The following TTC7A variants were observed in gnomAD, a reference collection of about 807,000 sequenced individuals.
The protein encoded by TTC7A is tetratricopeptide repeat domain 7A, also known as tetratricopeptide repeat protein 7A.
A neutral mutation model predicts 103.7 loss-of-function variants in TTC7A; 110 were observed. That is an observed-to-expected ratio of 1.06 (90% CI 0.91 to 1.24). The LOEUF (loss-of-function observed/expected upper bound fraction) is 1.24. Among genes scored for constraint, TTC7A ranks in the 50% most tolerant of loss-of-function variants. The pLI is 0.00. For synonymous variants in TTC7A, 521 were observed against 467.9 expected, an observed-to-expected ratio of 1.11 and a Z score of -1.47; for missense variants, 1,340 against 1,116.3, an observed-to-expected ratio of 1.20 and a Z score of -2.86.
At position 46,941,762 on chromosome 2, in the gene TTC7A, C is replaced by G; in HGVS notation, c.184+37C>G. ...AAGAGGCTGGCTCGCCGGCAGCGAG[C>G]GCGCGAAACGCACCGCCTCCTCCAG... is the stretch of plus-strand genomic sequence containing the variant. On this transcript the variant is annotated intron_variant, in intron 1 of 19. Coordinates refer to ENST00000319190, the MANE Select transcript of TTC7A (RefSeq NM_020458.4). This position sits in a 1 kb window ranked among gnomAD's most constrained non-coding sequence, Gnocchi z 4.2. 6.5e-7 allele frequency: 1 copy of G among 1,546,358 alleles called. No individual in the cohort carries two copies. The highest frequency in any genetic ancestry group is 8.7e-7 in the Non-Finnish European group (1 of 1,145,296).
chr2:46,980,144 G>C (rs1674291619), intron 5 of TTC7A, among the ~76,000 whole-genome samples: 1 of 150,486 alleles, frequency 6.6e-6, no homozygotes, highest in Middle Eastern at 3.5e-3. Context: ...TTGAATACAT[G>C]ATTGTTGCAT....
rs573987427 is a variant in TTC7A at position 46,921,726 on chromosome 2, A to G, written c.82+4449A>G. On this transcript the variant is annotated intron_variant, in intron 2 of 20. Coordinates refer to the TTC7A transcript ENST00000409245. ...CATGGAAGTGGTTGGGGGAGGGACA[A>G]TGGTTTCAAAATGAAACTGTTCTAC... 1.4e-4 allele frequency among the ~76,000 whole-genome samples: 22 copies of G among 152,338 alleles called. No individual in the cohort carries two copies. In the South Asian group the frequency reaches 1.7e-3, roughly 11 times the overall value.
At chr2:46,925,171 G>A (rs1307616438) in intron 2 of TTC7A, among the ~76,000 whole-genome samples, 2 of 152,154 alleles carry the variant, frequency 1.3e-5, no homozygotes, top group African/African-American at 4.8e-5. Flanking sequence ...CCCCAGGCTA[G>A]ATTTGAACTT....
Position 47,073,863 on chromosome 2 carries a change from C to G in TTC7A, c.2517C>G (p.Ala839=), listed in dbSNP as rs751895973. 1 of 1,613,706 alleles carries G rather than the reference C, an allele frequency of 6.2e-7. No individual in the cohort carries two copies. The highest frequency in any genetic ancestry group is 8.5e-7 in the Non-Finnish European group (1 of 1,180,026). The change falls in exon 20 of 20, where the codon GCC becomes GCG. Residue 839 remains alanine, a synonymous_variant. Coordinates refer to ENST00000319190, the MANE Select transcript of TTC7A (RefSeq NM_020458.4). ...CTGCCGTTGACTGCTTCCTCACCGC[C>G]CTTGAGCTGGAGGCCAGCAGCCCTG... is the stretch of plus-strand genomic sequence containing the variant. ...NEAAVDCFLT[A]LELEASSPVL... is the part of the protein sequence containing the mutation.
In TTC7A at chr2:47,051,745, G is replaced by A; in HGVS notation, c.2018-1G>A. On this transcript the variant is annotated splice_acceptor_variant, in intron 17 of 19. Coordinates refer to ENST00000319190, the MANE Select transcript of TTC7A (RefSeq NM_020458.4). LOFTEE classifies it high-confidence loss of function. The stretch of plus-strand genomic sequence containing the variant: ...TCGGCTCGTGCCCTCTTGCTCTGCA[G>A]GCTCCCGGCGGGCTTCGTCCATCGC... 1 of 1,609,012 alleles carries A rather than the reference G, an allele frequency of 6.2e-7. No individual in the cohort carries two copies. The highest frequency in any genetic ancestry group is 8.5e-7 in the Non-Finnish European group (1 of 1,178,322).
chr2:47,061,421 C>T (rs1048808301), intron 19 of TTC7A, among the ~76,000 whole-genome samples: 1 of 152,180 alleles, frequency 6.6e-6, no homozygotes, highest in Non-Finnish European at 1.5e-5. Flanking sequence ...TTCCACATCT[C>T]TTTGGTGGGA....
chr2:47,064,122 G>T (rs1258506823), intron 19 of TTC7A, among the ~76,000 whole-genome samples: 5 of 152,228 alleles, frequency 3.3e-5, no homozygotes, highest in African/African-American at 1.2e-4. Context: ...CAGGCAGGAA[G>T]GAGATGCCAC....
intron 10 of TTC7A, among the ~76,000 whole-genome samples, chr2:47,010,403 A>G (rs1677912632): frequency 6.6e-6 from 1 of 152,156 alleles, no homozygotes; most frequent in South Asian, 2.1e-4. Flanking sequence ...ACTTAGGACA[A>G]CGCCTGCACA....
chr2:47,052,961 C>T (rs937130686), intron 18 of TTC7A, among the ~76,000 whole-genome samples: 1 of 152,112 alleles, frequency 6.6e-6, no homozygotes, highest in African/African-American at 2.4e-5. Flanking sequence ...AGTCAGAGTC[C>T]GAATATGCTT....
chr2:47,022,008 C>T, intron 12 of TTC7A, 29 bp downstream of exon 12: 2 of 1,550,798 alleles, frequency 1.3e-6, no homozygotes, highest in Non-Finnish European at 1.8e-6. Context: ...GAGGCCTCTA[C>T]TTGGGGATGG....
At position 47,007,807 on chromosome 2, in the gene TTC7A, A is replaced by G. The variant is rs1428364922; in HGVS notation, c.1287+1083A>G. 2.0e-5 allele frequency among the ~76,000 whole-genome samples: 3 copies of G among 152,152 alleles called. No homozygotes were observed. Among genetic ancestry groups the G allele is most frequent in the Non-Finnish European group, 4.4e-5 (3 of 68,020 alleles). On this transcript the variant is annotated intron_variant, in intron 10 of 19. Transcript: ENST00000319190. This position sits in a 1 kb window ranked among gnomAD's most constrained non-coding sequence, Gnocchi z 4.9. ...AAACCTCTCTCCTCTCCCCCATCAC[A>G]TCGGACACCTCACAGAGCATCTTGA... is the stretch of plus-strand genomic sequence containing the variant.
At chr2:46,979,868 G>T (rs953052298) in intron 5 of TTC7A, among the ~76,000 whole-genome samples, 1 of 152,202 alleles carries the variant, frequency 6.6e-6, no homozygotes, top group Non-Finnish European at 1.5e-5. Context: ...TGGGGCTGGA[G>T]GACATCACTG....
chr2:47,002,229 G>T (rs1275374069), intron 8 of TTC7A, among the ~76,000 whole-genome samples: 1 of 152,218 alleles, frequency 6.6e-6, no homozygotes. Flanking sequence ...GGGATTAAAT[G>T]CATGGATTAA....
At chr2:47,065,601 A>G (rs554115661) in intron 19 of TTC7A, among the ~76,000 whole-genome samples, 1 of 152,316 alleles carries the variant, frequency 6.6e-6, no homozygotes, top group African/African-American at 2.4e-5. Context: ...CTTTTAGGCA[A>G]ATAGGGGGAG....
intron 8 of TTC7A, among the ~76,000 whole-genome samples, chr2:47,004,107 ACT>A (rs1677128114): frequency 6.6e-6 from 1 of 151,820 alleles, no homozygotes; most frequent in South Asian, 2.1e-4. Flanking sequence ...CCACAGGCTG[ACT>A]CCAGAGCTCA....
intron 5 of TTC7A, among the ~76,000 whole-genome samples, chr2:46,991,014 G>A (rs2104365894): frequency 6.6e-6 from 1 of 152,286 alleles, no homozygotes; most frequent in South Asian, 2.1e-4. Context: ...CTAGGTTCAA[G>A]CAATTCTCCT....
rs201008860 is a variant in TTC7A, at chr2:47,024,288, G to T, written c.1570G>T (p.Ala524Ser). Residue 524 changes from alanine (A) to serine (S), a missense_variant and splice_region_variant, in exon 14 of 20, where the codon GCT (alanine) becomes TCT (serine). Coordinates refer to ENST00000319190, the MANE Select transcript of TTC7A (RefSeq NM_020458.4). ...TTGTCACTCCCTCTCCCCACACAGG[G>T]CTCAGCAGCTGGCGCCCAGTGACCC... Reference protein sequence around the residue: ...HRKALQTLERAQQLAPSDPQV... With the variant: ...HRKALQTLERSQQLAPSDPQV... 150 of 1,603,786 alleles carry T rather than the reference G, an allele frequency of 9.4e-5. No individual in the cohort carries two copies. The highest frequency in any genetic ancestry group is 2.7e-5 in the African/African-American group (2 of 74,350).
At position 46,946,855 on chromosome 2, in the gene TTC7A, G is replaced by C. The variant is rs568946163; in HGVS notation, c.185-3508G>C. On this transcript the variant is annotated intron_variant, in intron 1 of 19. Coordinates refer to ENST00000319190, the MANE Select transcript of TTC7A (RefSeq NM_020458.4). The stretch of plus-strand genomic sequence containing the variant: ...CAAGAGAGAGGTAGGGCAGGGAGAG[G>C]AGAGTTGAGCAAAGGAGGAAAAGAA... Among the ~76,000 whole-genome samples, 7 of 152,344 alleles carry C rather than the reference G, an allele frequency of 4.6e-5. No individual in the cohort carries two copies. The East Asian group carries it at 1.3e-3, about 29-fold the overall frequency.
At chr2:47,053,942 T>C (rs185208790) in intron 18 of TTC7A, 9 of 175,168 alleles carry the variant, frequency 5.1e-5, no homozygotes, top group African/African-American at 1.9e-4. Context: ...TATATTGCTT[T>C]ATACTAGGGA....
Sources: gnomAD v4.1 joint callset for allele counts (sites outside exome capture counted in the v4.1 genomes callset) on GRCh38, gnomAD v4.1.1 for gene constraint, Gnocchi (gnomAD v3.1) non-coding constraint, MANE v1.5 for transcripts, NCBI Gene and HGNC (gene_info 2026-07-23, HGNC 2026-07-21) for gene names.